Variants in ADK observed in about 807,000 individuals in gnomAD.
ADK encodes adenosine kinase, also known as N6,N6-dimethyladenosine kinase.
A neutral mutation model predicts 44.7 loss-of-function variants in ADK; 24 were observed. That is an observed-to-expected ratio of 0.54 (90% CI 0.39 to 0.76). The LOEUF (loss-of-function observed/expected upper bound fraction) is 0.76, where lower values mean the gene tolerates loss of function less well. Ranked by LOEUF, ADK falls within the 30% of genes least tolerant of loss-of-function variation. The probability of loss-of-function intolerance (pLI) is 0.00; values close to 1 mark genes in which losing one functional copy is unlikely to be tolerated. For missense variants in ADK, 321 were observed against 425.1 expected, an observed-to-expected ratio of 0.76 and a Z score of 2.15; for synonymous variants, 128 against 142.6, an observed-to-expected ratio of 0.90 and a Z score of 0.73.
intron 2 of ADK, among the ~76,000 whole-genome samples, chr10:74,216,743 A>T (rs1183704350): frequency 6.6e-6 from 1 of 152,070 alleles, no homozygotes; most frequent in Non-Finnish European, 1.5e-5. Flanking sequence ...AAATAAAAAA[A>T]AAAAAGTTTC....
At chr10:74,182,222 G>A (rs1053123811) in intron 1 of ADK, among the ~76,000 whole-genome samples, 3 of 150,948 alleles carry the variant, frequency 2.0e-5, no homozygotes, top group African/African-American at 4.9e-5. Context: ...TTTAAAATAC[G>A]AATTGTAAAT....
chr10:74,491,906 T>A (rs1378681983), intron 6 of ADK, among the ~76,000 whole-genome samples: 1 of 152,212 alleles, frequency 6.6e-6, no homozygotes, highest in Non-Finnish European at 1.5e-5. Flanking sequence ...TCTACTACTT[T>A]ACCTTTTGAA....
intron 6 of ADK, among the ~76,000 whole-genome samples, chr10:74,498,730 G>C (rs1847783601): frequency 6.6e-6 from 1 of 152,102 alleles, no homozygotes; most frequent in Non-Finnish European, 1.5e-5. Flanking sequence ...CTGTGTCCAT[G>C]TGTTCTCATT....
chr10:74,670,027 A>C (rs1239578886), intron 9 of ADK, among the ~76,000 whole-genome samples, 156 bp from the exon 10 acceptor site: 2 of 152,212 alleles, frequency 1.3e-5, no homozygotes, highest in Non-Finnish European at 2.9e-5. Context: ...ATGATTTTGC[A>C]CCTTAGTTCC....
intron 10 of ADK, among the ~76,000 whole-genome samples, chr10:74,699,086 C>T (rs1196408496): frequency 2.0e-5 from 3 of 148,050 alleles, no homozygotes; most frequent in African/African-American, 7.5e-5. Flanking sequence ...TCAAATGATT[C>T]TCCCATCTCA....
intron 9 of ADK, among the ~76,000 whole-genome samples, chr10:74,640,448 C>A (rs1853801118): frequency 1.3e-5 from 2 of 152,270 alleles, no homozygotes; most frequent in Admixed American, 1.3e-4. Context: ...AAGAGGGAAT[C>A]CCATGTGCTA....
chr10:74,690,348 TAGTC>T (rs560206712), intron 10 of ADK, among the ~76,000 whole-genome samples: 42 of 152,084 alleles, frequency 2.8e-4, no homozygotes, highest in Non-Finnish European at 5.3e-4. Flanking sequence ...TACAAAAAAT[TAGTC>T]AGGCATGGTG....
At chr10:74,533,964 A>G (rs758270889) in intron 7 of ADK, among the ~76,000 whole-genome samples, 1 of 152,256 alleles carries the variant, frequency 6.6e-6, no homozygotes, top group Non-Finnish European at 1.5e-5. Flanking sequence ...TGTACTATTG[A>G]TAAGAAATGA....
intron 7 of ADK, among the ~76,000 whole-genome samples, chr10:74,571,270 C>T (rs1850947787): frequency 6.6e-6 from 1 of 152,072 alleles, no homozygotes; most frequent in Non-Finnish European, 1.5e-5. Flanking sequence ...GTGTCTCTGC[C>T]AGGCTTTGGT....
intron 2 of ADK, among the ~76,000 whole-genome samples, chr10:74,217,186 GGGCTTAAAAAAC>G (rs1844077520): frequency 6.6e-6 from 1 of 152,220 alleles, no homozygotes; most frequent in Non-Finnish European, 1.5e-5. Flanking sequence ...CTTTTCCGAC[GGGCTTAAAAAAC>G]GGCACACCAG....
At chr10:74,544,987 A>G (rs974310688) in intron 7 of ADK, among the ~76,000 whole-genome samples, 4 of 151,828 alleles carry the variant, frequency 2.6e-5, no homozygotes, top group Non-Finnish European at 5.9e-5. Flanking sequence ...TCACCCAACA[A>G]TGTTTTTTTC....
At chr10:74,359,787 T>C (rs1842270877) in intron 4 of ADK, among the ~76,000 whole-genome samples, 2 of 152,180 alleles carry the variant, frequency 1.3e-5, no homozygotes. Flanking sequence ...ACATGGGATG[T>C]CTTTTTTTCC....
intron 3 of ADK, among the ~76,000 whole-genome samples, chr10:74,279,926 G>A (rs1240681694): frequency 6.6e-6 from 1 of 151,990 alleles, no homozygotes; most frequent in Non-Finnish European, 1.5e-5. Context: ...TATTCAGAAG[G>A]CTCAGGGAGG....
chr10:74,409,497 A>C (rs544166323), intron 6 of ADK, among the ~76,000 whole-genome samples: 1 of 152,244 alleles, frequency 6.6e-6, no homozygotes, highest in South Asian at 2.1e-4. Flanking sequence ...AGAGTATGAG[A>C]CTTGTGGTGA....
chr10:74,543,571 T>C (rs1245157727), intron 7 of ADK, among the ~76,000 whole-genome samples: 1 of 152,262 alleles, frequency 6.6e-6, no homozygotes, highest in African/African-American at 2.4e-5. Flanking sequence ...TAAGTGCATA[T>C]AACGTTTTGT....
At chr10:74,708,210 T>G in intron 10 of ADK, 111 bp from the exon 11 acceptor site, 1 of 1,217,818 alleles carries the variant, frequency 8.2e-7, no homozygotes, top group South Asian at 1.2e-5. Flanking sequence ...TCTCTTACTG[T>G]CAAGGCTGAA....
At chr10:74,386,670 A>G (rs182598098) in intron 4 of ADK, among the ~76,000 whole-genome samples, 30 of 152,278 alleles carry the variant, frequency 2.0e-4, no homozygotes, top group African/African-American at 7.2e-4. Context: ...AATTTCTTGA[A>G]GTGGTATTTA....
intron 6 of ADK, among the ~76,000 whole-genome samples, chr10:74,490,224 G>A (rs1847426810): frequency 6.6e-6 from 1 of 151,910 alleles, no homozygotes; most frequent in Non-Finnish European, 1.5e-5. Context: ...AATGTTTGAG[G>A]AAATAAAAAC....
At chr10:74,665,029 T>C (rs12251389) in intron 9 of ADK, among the ~76,000 whole-genome samples, 122,375 of 152,032 alleles carry the variant, frequency 0.8, 49,597 homozygotes, top group African/African-American at 0.89. Flanking sequence ...AAATACACAC[T>C]GAAGTATTAA....
Sources: allele counts gnomAD v4.1 joint callset (sites outside exome capture counted in the v4.1 genomes callset), GRCh38; gene constraint gnomAD v4.1.1; transcripts MANE v1.5; gene names NCBI Gene and HGNC (gene_info 2026-07-23, HGNC 2026-07-21).